SERGEF: variants seen among roughly 807,000 people sequenced by gnomAD.
SERGEF encodes secretion regulating guanine nucleotide exchange factor, also known as secretion-regulating guanine nucleotide exchange factor.
In SERGEF, 51 loss-of-function variants were observed where a neutral mutation model predicts 50.0. The ratio of observed to expected loss-of-function variants is 1.02; its 90% CI spans 0.81 to 1.29. The LOEUF is 1.29. Among genes scored for constraint, SERGEF ranks in the 50% most tolerant of loss-of-function variants. SERGEF has a pLI of 0.00. For synonymous variants in SERGEF, 205 were observed against 212.4 expected (o/e 0.97, Z 0.30); for missense variants, 521 against 557.0 (o/e 0.94, Z 0.65).
chr11:17,799,338 TAAAC>T (rs770010689), intron 10 of SERGEF, among the ~76,000 whole-genome samples: 91 of 152,332 alleles, frequency 6.0e-4, no homozygotes, highest in Non-Finnish European at 9.7e-4. Context: ...CAAAAACTCT[TAAAC>T]AGTTTCTGGA....
chr11:18,006,509 A>G, intron 3 of SERGEF, 82 bp downstream of exon 3: 1 of 1,346,554 alleles, frequency 7.4e-7, no homozygotes, highest in Non-Finnish European at 1.0e-6. Flanking sequence ...AGAGGCTTTC[A>G]TTTAATCTGC....
intron 8 of SERGEF, among the ~76,000 whole-genome samples, chr11:17,969,028 T>C (rs648228): frequency 0.23 from 35,301 of 152,110 alleles, 4,648 homozygotes; most frequent in African/African-American, 0.36. Flanking sequence ...CTCAAGCCTA[T>C]GATGAAAAGG....
intron 10 of SERGEF, among the ~76,000 whole-genome samples, chr11:17,850,918 A>ATGTTAGGAGACCTGGCTGAGG (rs1188734346): frequency 1.3e-5 from 2 of 152,280 alleles, no homozygotes; most frequent in Admixed American, 6.5e-5. Flanking sequence ...TTCTGGTGAA[A>ATGTTAGGAGACCTGGCTGAGG]TGTTAGGAGA....
intron 1 of SERGEF, among the ~76,000 whole-genome samples, chr11:18,009,903 C>T: frequency 6.6e-6 from 1 of 152,074 alleles, no homozygotes. Flanking sequence ...TTCTGCATTA[C>T]AAAGTACAAA....
chr11:17,801,084 A>T (rs894735679), intron 10 of SERGEF, among the ~76,000 whole-genome samples: 1 of 151,322 alleles, frequency 6.6e-6, no homozygotes, highest in Non-Finnish European at 1.5e-5. Context: ...AGTCCCAGCT[A>T]CTCGGGAGGC....
intron 10 of SERGEF, among the ~76,000 whole-genome samples, chr11:17,873,160 G>A (rs536537300): frequency 2.0e-5 from 3 of 152,066 alleles, no homozygotes; most frequent in Non-Finnish European, 2.9e-5. Flanking sequence ...AGGCAGCATC[G>A]GTCCACAGGC....
chr11:17,800,929 C>T (rs1407039214), intron 10 of SERGEF, among the ~76,000 whole-genome samples: 2 of 152,154 alleles, frequency 1.3e-5, no homozygotes, highest in African/African-American at 2.4e-5. Context: ...GGCACGGTGG[C>T]TCACACCTGT....
chr11:17,970,371 G>A (rs1002071736), intron 8 of SERGEF, among the ~76,000 whole-genome samples: 1 of 152,132 alleles, frequency 6.6e-6, no homozygotes, highest in African/African-American at 2.4e-5. Flanking sequence ...AATCGATTGT[G>A]TTCTGACTGC....
chr11:17,874,677 T>C (rs573479636), intron 10 of SERGEF, among the ~76,000 whole-genome samples: 35 of 152,322 alleles, frequency 2.3e-4, no homozygotes, highest in African/African-American at 8.4e-4. Flanking sequence ...CCTGAGTCCC[T>C]GTCTGGGACA....
intron 10 of SERGEF, among the ~76,000 whole-genome samples, chr11:17,863,305 C>T (rs1214665609): frequency 6.6e-6 from 1 of 152,228 alleles, no homozygotes. Flanking sequence ...CTATAATTGT[C>T]AACTTCTGAA....
At chr11:17,983,918 T>C (rs1430131287) in intron 8 of SERGEF, among the ~76,000 whole-genome samples, 1 of 151,574 alleles carries the variant, frequency 6.6e-6, no homozygotes, top group Non-Finnish European at 1.5e-5. Context: ...GCAAAGGCAC[T>C]ATGGTGGGAA....
chr11:17,902,020 T>C (rs531805161), intron 9 of SERGEF, among the ~76,000 whole-genome samples: 2 of 152,342 alleles, frequency 1.3e-5, no homozygotes, highest in East Asian at 3.9e-4. Context: ...AGTAGGTAGT[T>C]ACCAAATCCA....
intron 4 of SERGEF, among the ~76,000 whole-genome samples, chr11:18,001,720 A>G (rs1853966023): frequency 6.6e-6 from 1 of 152,250 alleles, no homozygotes; most frequent in South Asian, 2.1e-4. Flanking sequence ...TCTTTTCTTC[A>G]AAGCAAATAT....
chr11:17,932,223 G>A (rs1298164902), intron 9 of SERGEF, among the ~76,000 whole-genome samples: 3 of 152,178 alleles, frequency 2.0e-5, no homozygotes, highest in Admixed American at 6.5e-5. Flanking sequence ...ATGTCTGCGC[G>A]TGTTCAAAAA....
intron 10 of SERGEF, among the ~76,000 whole-genome samples, chr11:17,811,112 C>T (rs530226071): frequency 3.3e-5 from 5 of 152,280 alleles, no homozygotes; most frequent in African/African-American, 9.6e-5. Context: ...ATCTTCAGAT[C>T]TGGGGAACTA....
intron 10 of SERGEF, among the ~76,000 whole-genome samples, chr11:17,870,412 A>G (rs58501231): frequency 0.17 from 25,993 of 152,160 alleles, 2,476 homozygotes; most frequent in Middle Eastern, 0.26. Context: ...TTGAAAAGCT[A>G]TGGCTGGCTT....
At chr11:18,008,759 C>A (rs1350665515) in intron 1 of SERGEF, among the ~76,000 whole-genome samples, 1 of 151,660 alleles carries the variant, frequency 6.6e-6, no homozygotes, top group South Asian at 2.1e-4. Context: ...CTCCTTACCC[C>A]CTCCTCCTGC....
At chr11:17,920,425 C>A (rs1852132278) in intron 9 of SERGEF, among the ~76,000 whole-genome samples, 2 of 152,078 alleles carry the variant, frequency 1.3e-5, no homozygotes, top group African/African-American at 4.8e-5. Context: ...ATGTAAACTC[C>A]ATAAAGACAA....
At chr11:17,923,646 G>A (rs1321769977) in intron 9 of SERGEF, among the ~76,000 whole-genome samples, 1 of 152,198 alleles carries the variant, frequency 6.6e-6, no homozygotes, top group African/African-American at 2.4e-5. Flanking sequence ...AGAATACAGA[G>A]AGTGAAGCAA....
Sources: allele counts gnomAD v4.1 joint callset (sites outside exome capture counted in the v4.1 genomes callset), GRCh38; gene constraint gnomAD v4.1.1; transcripts MANE v1.5; gene names NCBI Gene and HGNC (gene_info 2026-07-23, HGNC 2026-07-21).